The following SGCZ variants were observed in gnomAD, a reference collection of about 807,000 sequenced individuals.
SGCZ encodes zeta-sarcoglycan.
A neutral mutation model predicts 41.3 loss-of-function variants in SGCZ; 40 were observed. The ratio of observed to expected loss-of-function variants is 0.97; its 90% CI spans 0.75 to 1.26. The LOEUF (loss-of-function observed/expected upper bound fraction) is 1.26. Ranked by LOEUF, SGCZ falls within the 50% of genes most tolerant of loss-of-function variation. SGCZ has a pLI of 0.00. For synonymous variants in SGCZ, 206 were observed against 137.5 expected (o/e 1.50, Z -3.49); for missense variants, 552 against 369.8 (o/e 1.49, Z -4.04).
chr8:14,693,492 A>C (rs1808864917), intron 1 of SGCZ, among the ~76,000 whole-genome samples: 1 of 148,670 alleles, frequency 6.7e-6, no homozygotes, highest in Non-Finnish European at 1.5e-5. Context: ...GGGTTTCACC[A>C]TGTTGGTCAG....
chr8:15,183,135 C>T (rs1029960022), intron 1 of SGCZ, among the ~76,000 whole-genome samples: 6 of 150,744 alleles, frequency 4.0e-5, no homozygotes, highest in African/African-American at 9.8e-5. Flanking sequence ...CCTGAAGGAC[C>T]TGCCTTAGGC....
chr8:15,114,455 T>TG (rs1807190939), intron 1 of SGCZ, among the ~76,000 whole-genome samples: 1 of 152,216 alleles, frequency 6.6e-6, no homozygotes, highest in Non-Finnish European at 1.5e-5. Context: ...CATTCTCTCT[T>TG]TACAAATGTA....
At chr8:14,131,170 A>ATCTC (rs949748988) in intron 5 of SGCZ, among the ~76,000 whole-genome samples, 1 of 152,128 alleles carries the variant, frequency 6.6e-6, no homozygotes, top group African/African-American at 2.4e-5. Flanking sequence ...GAAGCAACGA[A>ATCTC]TCTCTAGTAT....
chr8:14,452,834 T>G (rs1386117640), intron 2 of SGCZ, among the ~76,000 whole-genome samples: 1 of 152,112 alleles, frequency 6.6e-6, no homozygotes, highest in South Asian at 2.1e-4. Flanking sequence ...GGGTGTGGAC[T>G]CACGCCTGTA....
chr8:15,080,946 G>A (rs547296297), intron 1 of SGCZ, among the ~76,000 whole-genome samples: 11 of 152,078 alleles, frequency 7.2e-5, no homozygotes, highest in South Asian at 6.2e-4. Flanking sequence ...ATGCACAGAG[G>A]GAAGACCACG....
At chr8:14,953,803 C>T (rs1800717106) in intron 1 of SGCZ, among the ~76,000 whole-genome samples, 1 of 152,152 alleles carries the variant, frequency 6.6e-6, no homozygotes, top group African/African-American at 2.4e-5. Flanking sequence ...ATACAAAATA[C>T]TCAAGCAATA....
At chr8:14,800,430 A>G (rs1248514832) in intron 1 of SGCZ, among the ~76,000 whole-genome samples, 2 of 152,082 alleles carry the variant, frequency 1.3e-5, no homozygotes, top group Admixed American at 1.3e-4. Flanking sequence ...AATATTTTTT[A>G]TTTTGCATCT....
intron 1 of SGCZ, among the ~76,000 whole-genome samples, chr8:15,151,016 T>C (rs139886700): frequency 2.9e-4 from 44 of 152,340 alleles, no homozygotes; most frequent in African/African-American, 1.0e-3. Context: ...GGTGGACCTA[T>C]TGGCTTCTAT....
intron 2 of SGCZ, among the ~76,000 whole-genome samples, chr8:14,378,707 T>C (rs1332027495): frequency 6.6e-6 from 1 of 152,138 alleles, no homozygotes; most frequent in Non-Finnish European, 1.5e-5. Context: ...GGGACAGTCT[T>C]GGGGACTGAC....
intron 2 of SGCZ, among the ~76,000 whole-genome samples, chr8:14,409,169 A>C (rs1485696825): frequency 6.6e-6 from 1 of 152,114 alleles, no homozygotes; most frequent in Non-Finnish European, 1.5e-5. Context: ...TTAGTCACTC[A>C]TTTATATAAC....
intron 1 of SGCZ, among the ~76,000 whole-genome samples, chr8:14,860,727 AAAGAAAGAAAGT>A (rs1214514115): frequency 4.0e-5 from 6 of 150,916 alleles, no homozygotes; most frequent in African/African-American, 1.2e-4. Flanking sequence ...AGAAAGAAAG[AAAGAAAGAAAGT>A]AAGTAAGTAA....
chr8:14,917,550 A>G (rs984090953), intron 1 of SGCZ, among the ~76,000 whole-genome samples: 11 of 152,086 alleles, frequency 7.2e-5, no homozygotes, highest in Non-Finnish European at 1.5e-4. Flanking sequence ...ATTAGTTTCA[A>G]CATTTCATGG....
At chr8:14,325,581 CAT>C (rs940594825) in intron 2 of SGCZ, among the ~76,000 whole-genome samples, 148 of 142,526 alleles carry the variant, frequency 1.0e-3, no homozygotes, top group African/African-American at 3.5e-3. Flanking sequence ...TATAATAGAT[CAT>C]ATATAATCAC....
chr8:15,119,622 G>C (rs1807404761), intron 1 of SGCZ, among the ~76,000 whole-genome samples: 1 of 151,782 alleles, frequency 6.6e-6, no homozygotes, highest in South Asian at 2.1e-4. Context: ...AAAGTTAGAG[G>C]ACAGCTCAAT....
chr8:14,845,103 A>G (rs1415320515), intron 1 of SGCZ, among the ~76,000 whole-genome samples: 2 of 152,186 alleles, frequency 1.3e-5, no homozygotes, highest in African/African-American at 4.8e-5. Context: ...ATCAGTAAAG[A>G]AAACCACTGA....
At chr8:15,103,081 A>C (rs1806674298) in intron 1 of SGCZ, among the ~76,000 whole-genome samples, 1 of 152,142 alleles carries the variant, frequency 6.6e-6, no homozygotes, top group South Asian at 2.1e-4. Flanking sequence ...ATAAGGAGAG[A>C]TCGAAGAGTC....
chr8:14,991,008 T>G lies in SGCZ; in HGVS notation c.39+246577A>C, dbSNP rs191041660. 3.0e-3 allele frequency among the ~76,000 whole-genome samples: 452 copies of G among 152,310 alleles called. 10 individuals carry two copies. The highest frequency in any genetic ancestry group is 0.027 in the Admixed American group (419 of 15,290). ...TGTCCTAACATTGCTTACACATGAT[T>G]GTTTATTTGCATTGAAAAATGCAAA... On this transcript the variant is annotated intron_variant, in intron 1 of 7. Transcript: ENST00000382080.
At chr8:15,139,786 C>T (rs268424) in intron 1 of SGCZ, among the ~76,000 whole-genome samples, 2 of 152,106 alleles carry the variant, frequency 1.3e-5, no homozygotes, top group African/African-American at 4.8e-5. Flanking sequence ...ACTCTCTCCC[C>T]TGCAATTACT....
intron 1 of SGCZ, among the ~76,000 whole-genome samples, chr8:14,633,863 G>A (rs551270114): frequency 7.7e-4 from 117 of 151,874 alleles, no homozygotes; most frequent in Middle Eastern, 3.4e-3. Context: ...TCATAAACAT[G>A]CTGTGTTTTG....
Sources: gnomAD v4.1 joint callset for allele counts (sites outside exome capture counted in the v4.1 genomes callset) on GRCh38, gnomAD v4.1.1 for gene constraint, MANE v1.5 for transcripts, NCBI Gene and HGNC (gene_info 2026-07-23, HGNC 2026-07-21) for gene names.